Variants in TMEM71 observed in about 807,000 individuals in gnomAD.
TMEM71 encodes transmembrane protein 71.
TMEM71 carries 44 observed loss-of-function variants against 38.0 expected under a neutral mutation model. The ratio of observed to expected loss-of-function variants is 1.16; its 90% CI spans 0.91 to 1.49. The LOEUF is 1.49. Ranked by LOEUF, TMEM71 falls within the 40% of genes most tolerant of loss-of-function variation. TMEM71 has a pLI of 0.00. For missense variants in TMEM71, 367 were observed against 348.6 expected, an observed-to-expected ratio of 1.05 and a Z score of -0.42; for synonymous variants, 133 against 122.5, an observed-to-expected ratio of 1.09 and a Z score of -0.56.
At position 132,757,249 on chromosome 8, in the gene TMEM71, G is replaced by T. The variant is rs1014921753; in HGVS notation, c.86C>A (p.Thr29Lys). The T allele has an allele frequency of 6.2e-7, 1 of 1,610,454 alleles. No homozygotes were observed. Among genetic ancestry groups the T allele is most frequent in the Non-Finnish European group, 8.5e-7 (1 of 1,177,516 alleles). The change falls in exon 3 of 10, where the codon ACG becomes AAG. Residue 29 changes from threonine to lysine, a missense_variant. Thr to Lys is a moderately conservative substitution (Grantham distance 78). Transcript: ENST00000677595. ...CATAGTATACCTTGGGAAAATGCAC[G>T]TGGGAGACAGCTCTCCAGCATATTC... Reference protein sequence around the residue: ...EREYAGELSPTCIFPSFTCDS... With the variant: ...EREYAGELSPKCIFPSFTCDS...
rs144266631 is a variant in TMEM71 at position 132,740,072 on chromosome 8, A to G, written c.487+6870T>C. Among the ~76,000 whole-genome samples the G allele has an allele frequency of 5.4e-3, 828 of 152,326 alleles. 33 individuals are homozygous for G. Among genetic ancestry groups the G allele is most frequent in the Admixed American group, 0.047 (715 of 15,298 alleles). ...GAAACAAGTTATTCCTCAGCTCAGA[A>G]TCCTCCAGTGGTTTGCCCTCCACTC... On this transcript the variant is annotated intron_variant, in intron 5 of 9. Coordinates refer to ENST00000677595, the MANE Select transcript of TMEM71 (RefSeq NM_001382403.1).
At chr8:132,748,930 C>T (rs1218950379) in intron 4 of TMEM71, among the ~76,000 whole-genome samples, 1 of 152,230 alleles carries the variant, frequency 6.6e-6, no homozygotes, top group Non-Finnish European at 1.5e-5. Context: ...ACTCATGTTT[C>T]ACCTTTGTGA....
In TMEM71 at chr8:132,727,819, C is replaced by G. The variant is rs769126679; in HGVS notation, c.655G>C (p.Glu219Gln). The G allele has an allele frequency of 1.2e-6, 2 of 1,612,288 alleles. No individual in the cohort carries two copies. Among genetic ancestry groups the G allele is most frequent in the Non-Finnish European group, 1.7e-6 (2 of 1,179,186 alleles). ...SQLTASERFQENSSDHSETRL... is the reference protein window; with the variant it reads ...SQLTASERFQQNSSDHSETRL... ...TCACCTGAATGATCCGAACTATTCT[C>G]TTGGAAACGTTCAGAAGCTGTCAAC... Residue 219 changes from glutamate (E) to glutamine (Q), a missense_variant, in exon 6 of 10, where the codon GAG (glutamate) becomes CAG (glutamine). Glu to Gln is a conservative substitution (Grantham distance 29). Coordinates refer to ENST00000677595, the MANE Select transcript of TMEM71 (RefSeq NM_001382403.1).
In TMEM71 at chr8:132,709,956, C is replaced by T. The variant is rs1032955679; in HGVS notation, c.*1011G>A. 1 of 151,740 alleles carries T rather than the reference C, an allele frequency of 6.6e-6. No homozygotes were observed. The highest frequency in any genetic ancestry group is 1.5e-5 in the Non-Finnish European group (1 of 67,982). The allele number at this position is 151,740 out of a possible 1,614,324, so 9.4% of individuals were successfully genotyped here. ...CACACAAATATAAATTTGCTGATGA[C>T]TTCACTTATTTATTAGTTTATTTTT... On this transcript the variant is annotated 3_prime_UTR_variant, in exon 10 of 10. Coordinates refer to ENST00000677595, the MANE Select transcript of TMEM71 (RefSeq NM_001382403.1).
intron 6 of TMEM71, among the ~76,000 whole-genome samples, chr8:132,722,740 A>C (rs16904725): frequency 0.037 from 5,654 of 152,328 alleles, 351 homozygotes; most frequent in African/African-American, 0.13. Flanking sequence ...CTCTAAAGAC[A>C]AAAAATGAGA....
chr8:132,725,625 T>C (rs1344411693), intron 6 of TMEM71, among the ~76,000 whole-genome samples: 1 of 152,168 alleles, frequency 6.6e-6, no homozygotes, highest in Non-Finnish European at 1.5e-5. Context: ...AATACCTACA[T>C]GTGAAGGGCT....
the TMEM71 span, chr8:132,775,333 G>A: frequency 5.8e-6 from 2 of 347,440 alleles, no homozygotes; most frequent in South Asian, 1.3e-4. Context: ...ACAAGGCCAG[G>A]CCCGCTTCCG....
chr8:132,713,960 G>T lies in TMEM71; in HGVS notation c.872+35C>A, dbSNP rs530960868. The T allele has an allele frequency of 1.5e-3, 2,413 of 1,603,280 alleles. 53 individuals carry two copies. In the South Asian group the frequency reaches 0.025, roughly 17 times the overall value. ...CAGATATCAAATTATGATCACCTTG[G>T]TCCAGACAATAATGATGACACAGGC... On this transcript the variant is annotated intron_variant, in intron 9 of 9. Coordinates refer to ENST00000677595, the MANE Select transcript of TMEM71 (RefSeq NM_001382403.1).
At chr8:132,752,074 T>C in intron 3 of TMEM71, 77 bp from the exon 4 acceptor site, 1 of 1,207,134 alleles carries the variant, frequency 8.3e-7, no homozygotes, top group Non-Finnish European at 1.2e-6. Context: ...CTCATCACTG[T>C]GAAGGAAAAT....
rs751493294 is a variant in TMEM71, at chr8:132,714,215, T to A, written c.753A>T (p.Arg251Ser). The change falls in exon 8 of 10, where the codon AGA (arginine) becomes AGT (serine). Residue 251 changes from arginine (R) to serine (S), a missense_variant and splice_region_variant. Physicochemically the swap from Arg to Ser is moderately radical, Grantham distance 110. Coordinates refer to ENST00000677595, the MANE Select transcript of TMEM71 (RefSeq NM_001382403.1). ...AVCLIISACA[R>S]WFMGEILASV... ...TGGCTAATATTTCTCCCATAAACCA[T>A]CTGAAACAACAAGATTGCTCTGATT... 1 of 1,609,996 alleles carries A rather than the reference T, an allele frequency of 6.2e-7. No homozygotes were observed.
At position 132,710,119 on chromosome 8, in the gene TMEM71, A is replaced by C. The variant is rs2130984737; in HGVS notation, c.*848T>G. ...AGAACAAATTTGAATTACAGGCCAT[A>C]TTTGCTTTGTGAACACGCACCAAGT... is the stretch of plus-strand genomic sequence containing the variant. On this transcript the variant is annotated 3_prime_UTR_variant, in exon 10 of 10. Coordinates refer to ENST00000677595, the MANE Select transcript of TMEM71 (RefSeq NM_001382403.1). The C allele has an allele frequency of 6.6e-6, 1 of 152,226 alleles. No homozygotes were observed. Among genetic ancestry groups the C allele is most frequent in the East Asian group, 1.9e-4 (1 of 5,172 alleles). The allele number at this position is 152,226 out of a possible 1,614,324, so 9.4% of individuals were successfully genotyped here.
At chr8:132,706,059 C>A (rs148845894), downstream of TMEM71, among the ~76,000 whole-genome samples, 11 of 152,098 alleles carry the variant, frequency 7.2e-5, no homozygotes, top group Admixed American at 7.2e-4. Flanking sequence ...TCTTTCTTTC[C>A]AACATGTGAA....
At chr8:132,753,880 C>T (rs544094623) in intron 3 of TMEM71, among the ~76,000 whole-genome samples, 2 of 152,156 alleles carry the variant, frequency 1.3e-5, no homozygotes, top group African/African-American at 2.4e-5. Flanking sequence ...TTTTCTTTCC[C>T]TTCCTTTTCT....
At position 132,751,779 on chromosome 8, in the gene TMEM71, G is replaced by A; in HGVS notation, c.314+6C>T. 6.2e-7 allele frequency: 1 copy of A among 1,611,692 alleles called. No homozygotes were observed. ...CAGATTTCTTTCTGTAATATGCTCT[G>A]CTTACCTAACTAAGTTCTCCTTATA... is the stretch of plus-strand genomic sequence containing the variant. On this transcript the variant is annotated splice_donor_region_variant and intron_variant, in intron 4 of 9. Transcript: ENST00000677595.
chr8:132,716,558 T>C (rs1376470764), intron 7 of TMEM71, among the ~76,000 whole-genome samples: 2 of 152,218 alleles, frequency 1.3e-5, no homozygotes, highest in Non-Finnish European at 2.9e-5. Context: ...CCCATCTACA[T>C]AAGTAATCTA....
intron 5 of TMEM71, among the ~76,000 whole-genome samples, chr8:132,739,027 G>C (rs1374786180): frequency 1.3e-5 from 2 of 151,856 alleles, no homozygotes; most frequent in African/African-American, 4.8e-5. Flanking sequence ...ACTATTTTTT[G>C]TAACATTTTG....
intron 3 of TMEM71, among the ~76,000 whole-genome samples, chr8:132,755,976 T>C (rs1012840724): frequency 3.9e-5 from 6 of 152,282 alleles, no homozygotes; most frequent in African/African-American, 9.6e-5. Flanking sequence ...CTCTAAAACA[T>C]GGATTCTTTC....
At chr8:132,746,562 C>A (rs1828398837) in intron 5 of TMEM71, among the ~76,000 whole-genome samples, 1 of 149,492 alleles carries the variant, frequency 6.7e-6, no homozygotes, top group African/African-American at 2.5e-5. Flanking sequence ...AAGTACTATC[C>A]AAGTGTACTC....
At chr8:132,707,359 C>T (rs756078155), downstream of TMEM71, among the ~76,000 whole-genome samples, 5 of 152,042 alleles carry the variant, frequency 3.3e-5, no homozygotes, top group African/African-American at 9.7e-5. Flanking sequence ...TTTTATTCTT[C>T]GGTTCTTAAA....
Sources: allele counts gnomAD v4.1 joint callset (sites outside exome capture counted in the v4.1 genomes callset), GRCh38; gene constraint gnomAD v4.1.1; transcripts MANE v1.5; gene names NCBI Gene and HGNC (gene_info 2026-07-23, HGNC 2026-07-21).